The following RALYL variants were observed in gnomAD, a reference collection of about 807,000 sequenced individuals.
RALYL encodes the protein RNA-binding Raly-like protein.
A neutral mutation model predicts 35.1 loss-of-function variants in RALYL; 29 were observed. That is an observed-to-expected ratio of 0.83 (90% confidence interval 0.61 to 1.13). RALYL has a LOEUF of 1.13. Among genes scored for constraint, RALYL ranks in the 50% most tolerant of loss-of-function variants. The probability of loss-of-function intolerance (pLI) is 0.00; values close to 1 mark genes in which losing one functional copy is unlikely to be tolerated. For missense variants in RALYL, 359 were observed against 360.4 expected, an observed-to-expected ratio of 1.00 and a Z score of 0.03; for synonymous variants, 120 against 127.6, an observed-to-expected ratio of 0.94 and a Z score of 0.40.
chr8:84,551,465 G>A (rs745539330), intron 2 of RALYL, among the ~76,000 whole-genome samples: 28 of 152,102 alleles, frequency 1.8e-4, no homozygotes, highest in Non-Finnish European at 3.1e-4. Flanking sequence ...ATAAATAAGA[G>A]AGGAAGTTGA....
At chr8:84,410,524 TATAATTTTTGG>T in intron 1 of RALYL, among the ~76,000 whole-genome samples, 1 of 152,056 alleles carries the variant, frequency 6.6e-6, no homozygotes, top group Admixed American at 6.6e-5. Context: ...TTCTCTGCCT[TATAATTTTTGG>T]ATAATTTTTT....
chr8:84,517,240 T>C (rs769295262), intron 1 of RALYL, among the ~76,000 whole-genome samples: 1 of 152,104 alleles, frequency 6.6e-6, no homozygotes, highest in Non-Finnish European at 1.5e-5. Flanking sequence ...ATGCATAAAA[T>C]ATGGAAGTCA....
intron 4 of RALYL, among the ~76,000 whole-genome samples, chr8:84,842,424 G>T (rs974168010): frequency 6.6e-6 from 1 of 152,128 alleles, no homozygotes; most frequent in African/African-American, 2.4e-5. Context: ...CCAGGAAGAA[G>T]TTGAATCTCT....
intron 7 of RALYL, among the ~76,000 whole-genome samples, chr8:84,881,896 A>G (rs1027985607): frequency 6.6e-6 from 1 of 151,936 alleles, no homozygotes; most frequent in African/African-American, 2.4e-5. Context: ...GATATATTAG[A>G]AAACAGCCAA....
intron 1 of RALYL, among the ~76,000 whole-genome samples, chr8:84,278,617 A>G (rs969008265): frequency 6.6e-6 from 1 of 152,150 alleles, no homozygotes; most frequent in African/African-American, 2.4e-5. Flanking sequence ...CTTCTACCAG[A>G]TACCCTAAAT....
chr8:84,520,146 T>C (rs1248768357), intron 1 of RALYL, among the ~76,000 whole-genome samples: 1 of 152,244 alleles, frequency 6.6e-6, no homozygotes, highest in African/African-American at 2.4e-5. Context: ...TAATTATTGT[T>C]CATTTGACTT....
chr8:84,436,677 A>AT, intron 1 of RALYL, among the ~76,000 whole-genome samples: 1 of 149,650 alleles, frequency 6.7e-6, no homozygotes, highest in East Asian at 2.0e-4. Context: ...TATAATTGAT[A>AT]TAAAAACAGC....
intron 6 of RALYL, among the ~76,000 whole-genome samples, chr8:84,871,329 C>CA (rs956625862): frequency 2.0e-5 from 3 of 151,930 alleles, no homozygotes; most frequent in Admixed American, 6.6e-5. Flanking sequence ...TTTTTTAAGG[C>CA]AATACATAAA....
intron 1 of RALYL, among the ~76,000 whole-genome samples, chr8:84,249,167 G>T (rs2131645875): frequency 6.6e-6 from 1 of 152,166 alleles, no homozygotes; most frequent in African/African-American, 2.4e-5. Context: ...TGATATTCAA[G>T]AAACCCTAAC....
chr8:84,209,811 A>G lies in RALYL; in HGVS notation c.-24+25387A>G, dbSNP rs73295616. On this transcript the variant is annotated intron_variant, in intron 1 of 8. Coordinates refer to ENST00000521268, the MANE Select transcript of RALYL (RefSeq NM_173848.7). ...AAGTATAGTGTTCTAACACCTCTTCATCCCCAACTACATGTGTATGTGTAC... is the reference window on the plus strand; with the variant it reads ...AAGTATAGTGTTCTAACACCTCTTCGTCCCCAACTACATGTGTATGTGTAC... Among the ~76,000 whole-genome samples the G allele has an allele frequency of 3.0e-3, 455 of 152,288 alleles. 3 individuals are homozygous for G. Among genetic ancestry groups the G allele is most frequent in the African/African-American group, 9.6e-3 (399 of 41,572 alleles).
chr8:84,247,067 G>C (rs547697079), intron 1 of RALYL, among the ~76,000 whole-genome samples: 2 of 152,178 alleles, frequency 1.3e-5, no homozygotes, highest in South Asian at 4.2e-4. Context: ...TGTTTTATAG[G>C]GTTAGTGAAA....
chr8:84,617,698 T>G (rs2130993516), intron 2 of RALYL, among the ~76,000 whole-genome samples: 1 of 151,008 alleles, frequency 6.6e-6, no homozygotes, highest in African/African-American at 2.5e-5. Flanking sequence ...CTTCCAGTTT[T>G]TGCCCATTCA....
In RALYL at chr8:84,508,712, C is replaced by A. The variant is rs201298140; in HGVS notation, c.-23-20587C>A. Among the ~76,000 whole-genome samples, 11 of 151,546 alleles carry A rather than the reference C, an allele frequency of 7.3e-5. No homozygotes were observed. In the East Asian group the frequency reaches 2.1e-3, roughly 29 times the overall value. On this transcript the variant is annotated intron_variant, in intron 1 of 8. Coordinates refer to ENST00000521268, the MANE Select transcript of RALYL (RefSeq NM_173848.7). ...CCAAGCGTTTATGATTGGGTTTTAT[C>A]AAAAAAAGTGTTAACCATTTCTACT...
chr8:84,199,196 G>C (rs1816218385), intron 1 of RALYL, among the ~76,000 whole-genome samples: 1 of 152,094 alleles, frequency 6.6e-6, no homozygotes, highest in South Asian at 2.1e-4. Flanking sequence ...TTTTACCTGG[G>C]ATGAGATGAT....
chr8:84,598,008 G>A (rs1814997250), intron 2 of RALYL, among the ~76,000 whole-genome samples: 1 of 152,060 alleles, frequency 6.6e-6, no homozygotes, highest in South Asian at 2.1e-4. Context: ...CTAGCCTCCT[G>A]AGCATGACAT....
intron 1 of RALYL, among the ~76,000 whole-genome samples, chr8:84,243,501 C>A (rs144690662): frequency 0.011 from 1,094 of 97,544 alleles, 33 homozygotes; most frequent in African/African-American, 0.043. Context: ...CTCTCTCACA[C>A]TTTTTTTTTT....
chr8:84,857,029 C>T (rs1837170500), intron 5 of RALYL, among the ~76,000 whole-genome samples: 2 of 91,342 alleles, frequency 2.2e-5, no homozygotes, highest in South Asian at 5.0e-4. Flanking sequence ...AGCGAGACTC[C>T]GTCTCAGAAA....
chr8:84,729,428 G>A (rs1050599426), intron 2 of RALYL, among the ~76,000 whole-genome samples: 1 of 151,974 alleles, frequency 6.6e-6, no homozygotes, highest in African/African-American at 2.4e-5. Context: ...ACAGGAGAAA[G>A]CAGGAAAGAT....
At chr8:84,215,707 C>G (rs1820648767) in intron 1 of RALYL, among the ~76,000 whole-genome samples, 1 of 152,026 alleles carries the variant, frequency 6.6e-6, no homozygotes. Flanking sequence ...ACTTTATTTT[C>G]TAATTCGGAG....
Sources: gnomAD v4.1 joint callset for allele counts (sites outside exome capture counted in the v4.1 genomes callset) on GRCh38, gnomAD v4.1.1 for gene constraint, MANE v1.5 for transcripts, NCBI Gene and HGNC (gene_info 2026-07-23, HGNC 2026-07-21) for gene names.